Variants in ARFGAP3 observed in about 807,000 individuals in gnomAD.
The protein encoded by ARFGAP3 is ADP-ribosylation factor GTPase-activating protein 3.
A neutral mutation model predicts 75.0 loss-of-function variants in ARFGAP3; 72 were observed. That is an observed-to-expected ratio of 0.96 (90% CI 0.79 to 1.17). The LOEUF (loss-of-function observed/expected upper bound fraction) is 1.17, where lower values mean the gene tolerates loss of function less well. Among genes scored for constraint, ARFGAP3 ranks in the 50% most tolerant of loss-of-function variants. ARFGAP3 has a pLI of 0.00. For missense variants in ARFGAP3, 620 were observed against 626.6 expected, an observed-to-expected ratio of 0.99 and a Z score of 0.11; for synonymous variants, 221 against 217.9, an observed-to-expected ratio of 1.01 and a Z score of -0.13.
intron 11 of ARFGAP3, among the ~76,000 whole-genome samples, chr22:42,813,750 C>T (rs573712402): frequency 5.3e-5 from 8 of 152,234 alleles, no homozygotes; most frequent in African/African-American, 9.6e-5. Flanking sequence ...CTAAGAGGAC[C>T]GACAGACCAC....
chr22:42,807,051 G>C (rs1421145781), intron 14 of ARFGAP3, 22 bp downstream of exon 14: 1 of 1,593,030 alleles, frequency 6.3e-7, no homozygotes, highest in South Asian at 1.1e-5. Context: ...ACAGAGACCA[G>C]CTCTTGTTCA....
Position 42,857,259 on chromosome 22 carries a change from G to A in ARFGAP3, c.-77C>T, listed in dbSNP as rs536632624. ...CGAAAAGCGGCTACCGCCTCAGCAGGAGCGACGAGGCCGCGGGGGCGGGGC... is the reference window on the plus strand; with the variant it reads ...CGAAAAGCGGCTACCGCCTCAGCAGAAGCGACGAGGCCGCGGGGGCGGGGC... On this transcript the variant is annotated 5_prime_UTR_variant, in exon 1 of 16. Transcript: ENST00000263245. 5.8e-5 allele frequency: 86 copies of A among 1,473,244 alleles called. No individual in the cohort carries two copies. In the African/African-American group the frequency reaches 1.1e-3, roughly 20 times the overall value. The allele number at this position is 1,473,244 out of a possible 1,614,324, so 91.3% of individuals were successfully genotyped here.
chr22:42,823,786 G>A (rs1925916337), intron 7 of ARFGAP3, 84 bp from the exon 8 acceptor site: 2 of 1,289,206 alleles, frequency 1.6e-6, no homozygotes, highest in Non-Finnish European at 2.1e-6. Context: ...CTAAGATACT[G>A]CACTTTATTA....
intron 11 of ARFGAP3, among the ~76,000 whole-genome samples, chr22:42,816,742 A>G (rs1294641314): frequency 1.3e-5 from 2 of 152,208 alleles, no homozygotes; most frequent in African/African-American, 2.4e-5. Context: ...TATTGTACCA[A>G]CTGGAGTTTT....
intron 14 of ARFGAP3, among the ~76,000 whole-genome samples, chr22:42,804,003 A>G (rs1315100419): frequency 2.7e-5 from 4 of 148,082 alleles, no homozygotes; most frequent in Non-Finnish European, 5.9e-5. Context: ...TCCTGGGCTC[A>G]GGTCATCCTC....
chr22:42,826,229 A>C (rs559442191), intron 7 of ARFGAP3, among the ~76,000 whole-genome samples: 2 of 152,344 alleles, frequency 1.3e-5, no homozygotes, highest in East Asian at 3.9e-4. Flanking sequence ...TTCACCTATA[A>C]TAAAATCAGA....
chr22:42,826,815 A>T, intron 7 of ARFGAP3, 125 bp downstream of exon 7: 1 of 628,746 alleles, frequency 1.6e-6, no homozygotes, highest in Non-Finnish European at 2.6e-6. Flanking sequence ...AAATCTTATT[A>T]ACAGATTCGG....
intron 2 of ARFGAP3, among the ~76,000 whole-genome samples, chr22:42,842,413 T>G (rs1926826987): frequency 6.7e-6 from 1 of 149,748 alleles, no homozygotes; most frequent in Non-Finnish European, 1.5e-5. Flanking sequence ...CTCTCAGTGT[T>G]GGGATTACAG....
intron 14 of ARFGAP3, among the ~76,000 whole-genome samples, chr22:42,801,891 C>A (rs3788597): frequency 6.6e-6 from 1 of 151,574 alleles, no homozygotes; most frequent in Non-Finnish European, 1.5e-5. Context: ...ATACGGGTTG[C>A]GGGGCTGTCT....
chr22:42,855,967 G>A (rs1000488801), intron 1 of ARFGAP3, among the ~76,000 whole-genome samples: 2 of 152,158 alleles, frequency 1.3e-5, no homozygotes, highest in African/African-American at 4.8e-5. Context: ...CTTGGGCTGG[G>A]TAGGTCAAGG....
rs1555899058 is a variant in ARFGAP3, at chr22:42,838,290, A to ATTTT, written c.261+2650_261+2653dup. Among the ~76,000 whole-genome samples, 394 of 137,190 alleles carry ATTTT rather than the reference A, an allele frequency of 2.9e-3. 1 individual carries two copies. The highest frequency in any genetic ancestry group is 0.01 in the African/African-American group (369 of 36,698). 90.0% of individuals were successfully genotyped at this position (137,190 alleles called of 152,430 possible). A position where few individuals can be genotyped will look rare whatever the true frequency, so the allele number is the denominator to read the frequency against. On this transcript the variant is annotated intron_variant, in intron 3 of 15. Coordinates refer to ENST00000263245, the MANE Select transcript of ARFGAP3 (RefSeq NM_014570.5). ...TACACACACACATATATATATATAT[A>ATTTT]TTTTTTTTTTCTTTTTTTTTTTTCT... is the stretch of plus-strand genomic sequence containing the variant.
intron 11 of ARFGAP3, 23 bp from the exon 12 acceptor site, chr22:42,810,967 G>A (rs1925345870): frequency 1.2e-6 from 2 of 1,611,684 alleles, no homozygotes; most frequent in Non-Finnish European, 1.7e-6. Context: ...GAGTACAACA[G>A]TGACTTTGGA....
chr22:42,799,575 C>T (rs1204935063), intron 14 of ARFGAP3, among the ~76,000 whole-genome samples: 2 of 152,180 alleles, frequency 1.3e-5, no homozygotes, highest in African/African-American at 4.8e-5. Context: ...GGTAACAGTA[C>T]TCCTCCCTTC....
intron 6 of ARFGAP3, among the ~76,000 whole-genome samples, chr22:42,829,128 G>A (rs1004889814): frequency 5.3e-5 from 8 of 152,230 alleles, no homozygotes; most frequent in African/African-American, 1.7e-4. Flanking sequence ...GATTGATAAC[G>A]GTAAATCAAT....
chr22:42,824,170 ATTTTTTTT>A (rs57620930), intron 7 of ARFGAP3, among the ~76,000 whole-genome samples: 1 of 59,844 alleles, frequency 1.7e-5, no homozygotes, highest in East Asian at 5.3e-4. Context: ...ACATCTGGCT[ATTTTTTTT>A]TTTTTTTTTT....
chr22:42,835,932 A>G (rs1301506422), intron 3 of ARFGAP3, among the ~76,000 whole-genome samples: 2 of 151,820 alleles, frequency 1.3e-5, no homozygotes, highest in African/African-American at 2.4e-5. Flanking sequence ...TTTGGGGAAA[A>G]GCTTTCTACT....
At chr22:42,833,983 T>C (rs1926410365) in intron 5 of ARFGAP3, among the ~76,000 whole-genome samples, 1 of 152,216 alleles carries the variant, frequency 6.6e-6, no homozygotes, top group Admixed American at 6.5e-5. Context: ...TCTCTTAATC[T>C]GGGAGAGTCT....
At chr22:42,833,860 G>T (rs1298693610) in intron 5 of ARFGAP3, among the ~76,000 whole-genome samples, 1 of 152,226 alleles carries the variant, frequency 6.6e-6, no homozygotes, top group East Asian at 1.9e-4. Context: ...AGGTTGTAAT[G>T]AGCTGAGATC....
chr22:42,852,858 G>C (rs1927338379), intron 1 of ARFGAP3, among the ~76,000 whole-genome samples: 2 of 152,096 alleles, frequency 1.3e-5, no homozygotes, highest in Non-Finnish European at 2.9e-5. Flanking sequence ...TCTGCTTCCT[G>C]GATTCAAGCG....
Sources: gnomAD v4.1 joint callset for allele counts (sites outside exome capture counted in the v4.1 genomes callset) on GRCh38, gnomAD v4.1.1 for gene constraint, MANE v1.5 for transcripts, NCBI Gene and HGNC (gene_info 2026-07-23, HGNC 2026-07-21) for gene names.